Variants in MAGI1 observed in about 807,000 individuals in gnomAD.
MAGI1 encodes membrane-associated guanylate kinase, WW and PDZ domain-containing protein 1.
A neutral mutation model predicts 139.9 loss-of-function variants in MAGI1; 58 were observed. The ratio of observed to expected loss-of-function variants is 0.41; its 90% confidence interval spans 0.34 to 0.52. The LOEUF is 0.52. Ranked by LOEUF, MAGI1 falls within the 20% of genes least tolerant of loss-of-function variation. The pLI, the probability that MAGI1 is intolerant of heterozygous loss-of-function variation, is 0.12. For synonymous variants in MAGI1, 812 were observed against 737.9 expected (o/e 1.10, Z -1.63); for missense variants, 1,874 against 1,901.6 (o/e 0.99, Z 0.27).
chr3:65,990,177 G>A (rs2066095146), intron 1 of MAGI1, among the ~76,000 whole-genome samples: 1 of 152,106 alleles, frequency 6.6e-6, no homozygotes, highest in Admixed American at 6.5e-5. Flanking sequence ...GCAGGGGAGG[G>A]AAAGAAAGAG....
chr3:65,674,552 G>A (rs145702175), intron 1 of MAGI1, among the ~76,000 whole-genome samples: 68 of 152,214 alleles, frequency 4.5e-4, no homozygotes, highest in Admixed American at 2.1e-3. Flanking sequence ...GCTTTCCCTC[G>A]TTTCTAGCAG....
chr3:65,482,333 C>T (rs1161162881), intron 3 of MAGI1, among the ~76,000 whole-genome samples: 1 of 152,196 alleles, frequency 6.6e-6, no homozygotes. Context: ...ATAAATGCTA[C>T]CTAAAGTTGC....
intron 1 of MAGI1, among the ~76,000 whole-genome samples, chr3:65,719,700 C>T (rs2032769189): frequency 6.6e-6 from 1 of 152,066 alleles, no homozygotes; most frequent in Non-Finnish European, 1.5e-5. Context: ...CACACACCAC[C>T]ATGCCAGGCT....
intron 1 of MAGI1, among the ~76,000 whole-genome samples, chr3:65,731,797 T>C (rs2034225883): frequency 6.6e-6 from 1 of 152,194 alleles, no homozygotes. Context: ...TCCCCAGGAT[T>C]CGAAGACTGA....
chr3:65,794,299 G>A (rs1425831155), intron 1 of MAGI1, among the ~76,000 whole-genome samples: 2 of 152,206 alleles, frequency 1.3e-5, no homozygotes, highest in African/African-American at 4.8e-5. Flanking sequence ...AAAAGACTGA[G>A]ACCTAGAATA....
chr3:65,356,371 C>CA lies in MAGI1; in HGVS notation c.*6dup. The CA allele has an allele frequency of 1.3e-6, 2 of 1,565,210 alleles. No individual in the cohort carries two copies. The highest frequency in any genetic ancestry group is 1.7e-6 in the Non-Finnish European group (2 of 1,162,806). On this transcript the variant is annotated 3_prime_UTR_variant, in exon 23 of 23. Transcript: ENST00000402939. ...ACACGGTAAAGGTTGGAATGTGACT[C>CA]AGCGTCTCAGATACTGAGGTCGGTG...
At chr3:65,996,008 A>G (rs956238161) in intron 1 of MAGI1, among the ~76,000 whole-genome samples, 2 of 152,152 alleles carry the variant, frequency 1.3e-5, no homozygotes, top group Non-Finnish European at 2.9e-5. Flanking sequence ...AAAAAACAAA[A>G]CAAAACAAAA....
chr3:66,012,855 G>A (rs147853091), intron 1 of MAGI1, among the ~76,000 whole-genome samples: 38 of 151,772 alleles, frequency 2.5e-4, no homozygotes, highest in African/African-American at 8.5e-4. Flanking sequence ...TGTAATGTCC[G>A]GTAAATCTGA....
At chr3:65,532,230 T>C (rs1576217702) in intron 2 of MAGI1, among the ~76,000 whole-genome samples, 3 of 152,200 alleles carry the variant, frequency 2.0e-5, no homozygotes, top group African/African-American at 4.8e-5. Context: ...AAACTCTTAA[T>C]AATGGCCTAA....
At chr3:65,555,067 G>A (rs2080020845) in intron 2 of MAGI1, among the ~76,000 whole-genome samples, 1 of 152,136 alleles carries the variant, frequency 6.6e-6, no homozygotes, top group Admixed American at 6.5e-5. Context: ...TCAACATTAG[G>A]GAAAGCTGAG....
chr3:65,562,997 C>G (rs894208222), intron 2 of MAGI1, among the ~76,000 whole-genome samples: 10 of 152,104 alleles, frequency 6.6e-5, no homozygotes, highest in African/African-American at 2.4e-4. Context: ...CTAATTTGGG[C>G]TTATTTGAAA....
At chr3:65,372,231 T>C (rs1404594191) in intron 18 of MAGI1, among the ~76,000 whole-genome samples, 1 of 152,226 alleles carries the variant, frequency 6.6e-6, no homozygotes. Flanking sequence ...ATGGATGCTG[T>C]GTTAGCAGGC....
At chr3:65,888,967 ATG>A (rs2060635810) in intron 1 of MAGI1, among the ~76,000 whole-genome samples, 1 of 152,220 alleles carries the variant, frequency 6.6e-6, no homozygotes, top group Non-Finnish European at 1.5e-5. Context: ...ATATTTATAT[ATG>A]TGTGTATGTA....
intron 4 of MAGI1, among the ~76,000 whole-genome samples, chr3:65,472,164 A>G (rs1489564159): frequency 6.6e-6 from 1 of 152,194 alleles, no homozygotes; most frequent in Non-Finnish European, 1.5e-5. Flanking sequence ...TTAGGCCAAC[A>G]TAGAAGAAAA....
At chr3:65,489,528 A>T (rs1951851949) in intron 3 of MAGI1, among the ~76,000 whole-genome samples, 1 of 152,126 alleles carries the variant, frequency 6.6e-6, no homozygotes, top group African/African-American at 2.4e-5. Context: ...GGGACATTTA[A>T]AATGTCCATC....
chr3:65,547,119 T>C (rs1256804187), intron 2 of MAGI1, among the ~76,000 whole-genome samples: 2 of 152,212 alleles, frequency 1.3e-5, no homozygotes, highest in East Asian at 1.9e-4. Flanking sequence ...TGCTGACTTA[T>C]AAAACAATAA....
chr3:65,617,808 T>A (rs1433592136), intron 2 of MAGI1, among the ~76,000 whole-genome samples: 1 of 152,210 alleles, frequency 6.6e-6, no homozygotes, highest in East Asian at 1.9e-4. Context: ...TTTTTCCATT[T>A]CTTCATTTGT....
intron 2 of MAGI1, among the ~76,000 whole-genome samples, chr3:65,544,359 T>C (rs1248857567): frequency 6.6e-6 from 1 of 152,108 alleles, no homozygotes; most frequent in Non-Finnish European, 1.5e-5. Flanking sequence ...GCAGGGATAA[T>C]GCACACTGTG....
In MAGI1 at chr3:66,006,487, G is replaced by A. The variant is rs923572829; in HGVS notation, c.313+31509C>T. Among the ~76,000 whole-genome samples the A allele has an allele frequency of 5.9e-5, 9 of 152,088 alleles. No individual in the cohort carries two copies. In the East Asian group the frequency reaches 1.7e-3, roughly 29 times the overall value. On this transcript the variant is annotated intron_variant, in intron 1 of 22. Transcript: ENST00000402939. The stretch of plus-strand genomic sequence containing the variant: ...TGTGTAGGTATATATGTATATATGT[G>A]TGTATGGGTATGTATATGTGTCTAT...
Sources: allele counts gnomAD v4.1 joint callset (sites outside exome capture counted in the v4.1 genomes callset), GRCh38; gene constraint gnomAD v4.1.1; transcripts MANE v1.5; gene names NCBI Gene and HGNC (gene_info 2026-07-23, HGNC 2026-07-21).